Variants in COPS5 observed in about 807,000 individuals in gnomAD.
COPS5 encodes COP9 signalosome subunit 5, also known as COP9 signalosome complex subunit 5.
In COPS5, 8 loss-of-function variants were observed where a neutral mutation model predicts 44.4. That is an observed-to-expected ratio of 0.18 (90% confidence interval 0.11 to 0.32). The LOEUF (loss-of-function observed/expected upper bound fraction) is 0.32, where lower values mean the gene tolerates loss of function less well. Ranked by LOEUF, COPS5 falls within the 10% of genes least tolerant of loss-of-function variation. The probability of loss-of-function intolerance (pLI) is 1.00; values close to 1 mark genes in which losing one functional copy is unlikely to be tolerated. For missense variants in COPS5, 159 were observed against 406.4 expected (o/e 0.39, Z 5.23); for synonymous variants, 122 against 142.8 (o/e 0.85, Z 1.04).
intron 5 of COPS5, among the ~76,000 whole-genome samples, chr8:67,053,817 T>A (rs1804455626): frequency 6.6e-6 from 1 of 151,658 alleles, no homozygotes; most frequent in African/African-American, 2.4e-5. Flanking sequence ...CCATCCTGGC[T>A]AAGACGGTGA....
chr8:67,055,584 TAGGCC>T (rs1804490622), intron 5 of COPS5, among the ~76,000 whole-genome samples: 4 of 152,216 alleles, frequency 2.6e-5, no homozygotes, highest in Admixed American at 2.0e-4. Flanking sequence ...AAAAGGTACG[TAGGCC>T]GGGCACAGTG....
At chr8:67,057,310 G>A (rs1804527584) in intron 4 of COPS5, 70 bp downstream of exon 4, 10 of 1,018,056 alleles carry the variant, frequency 9.8e-6, no homozygotes, top group East Asian at 9.8e-5. Flanking sequence ...GATCATGCCT[G>A]TGAATAGCCA....
intron 5 of COPS5, among the ~76,000 whole-genome samples, chr8:67,056,064 G>C (rs1410043886): frequency 6.6e-6 from 1 of 152,000 alleles, no homozygotes; most frequent in East Asian, 1.9e-4. Flanking sequence ...TCTTTCACTT[G>C]TTATAATTTT....
chr8:67,054,245 T>C (rs977424913), intron 5 of COPS5, among the ~76,000 whole-genome samples: 2 of 152,124 alleles, frequency 1.3e-5, no homozygotes, highest in East Asian at 3.8e-4. Flanking sequence ...ACAGGGAAAG[T>C]AGATCTGTTT....
chr8:67,052,776 C>T (rs865796219), intron 5 of COPS5, among the ~76,000 whole-genome samples: 51 of 146,848 alleles, frequency 3.5e-4, no homozygotes, highest in African/African-American at 1.0e-3. Context: ...GCCGAGATCG[C>T]GCCACTGCAC....
At chr8:67,046,642 G>A (rs1816702630) in intron 6 of COPS5, among the ~76,000 whole-genome samples, 1 of 151,718 alleles carries the variant, frequency 6.6e-6, no homozygotes, top group Non-Finnish European at 1.5e-5. Flanking sequence ...CTAACAAGAT[G>A]AAACCCTATC....
At chr8:67,061,227 G>A (rs1585719615) in intron 1 of COPS5, 1 of 280,854 alleles carries the variant, frequency 3.6e-6, no homozygotes, top group Admixed American at 4.8e-5. Context: ...TGGCTTATGG[G>A]AACTGGTGGA....
intron 6 of COPS5, chr8:67,047,976 A>G (rs1246707201): frequency 7.2e-6 from 5 of 691,794 alleles, no homozygotes; most frequent in Admixed American, 2.0e-5. Context: ...ACTACTAAGG[A>G]TAAGAAATAA....
chr8:67,061,639 C>G (rs767564181), intron 1 of COPS5: 4 of 570,960 alleles, frequency 7.0e-6, no homozygotes, highest in Non-Finnish European at 1.2e-5. Context: ...GTTGTTCTCC[C>G]CTTACATCAC....
chr8:67,061,725 C>T, intron 1 of COPS5, 129 bp downstream of exon 1: 1 of 916,458 alleles, frequency 1.1e-6, no homozygotes, highest in Non-Finnish European at 1.7e-6. Context: ...ACTTGCAGAT[C>T]CAAGACGCAT....
chr8:67,055,205 T>C (rs1804485333), intron 5 of COPS5, among the ~76,000 whole-genome samples: 2 of 152,118 alleles, frequency 1.3e-5, no homozygotes, highest in South Asian at 2.1e-4. Flanking sequence ...AGTTCAGTGA[T>C]AGGACATGAG....
rs1563450900 is a variant in COPS5, at chr8:67,062,031, C to T, written c.-35G>A. On this transcript the variant is annotated 5_prime_UTR_variant, in exon 1 of 8. Coordinates refer to ENST00000357849, the MANE Select transcript of COPS5 (RefSeq NM_006837.3). The stretch of plus-strand genomic sequence containing the variant: ...AGCGGAGAAGTTGTCGTCTCTACAA[C>T]CAAGACGCAACTTTACCTCGCTAGG... The T allele has an allele frequency of 1.2e-6, 2 of 1,613,878 alleles. No individual in the cohort carries two copies. The highest frequency in any genetic ancestry group is 1.7e-6 in the Non-Finnish European group (2 of 1,180,010).
At chr8:67,060,826 TGTAAC>T (rs1721524269) in intron 1 of COPS5, 1 of 229,948 alleles carries the variant, frequency 4.3e-6, no homozygotes, top group Non-Finnish European at 8.9e-6. Context: ...TTTTTTAATT[TGTAAC>T]AAAAGGATGG....
At chr8:67,054,125 A>T (rs1035589527) in intron 5 of COPS5, among the ~76,000 whole-genome samples, 1 of 152,136 alleles carries the variant, frequency 6.6e-6, no homozygotes, top group Non-Finnish European at 1.5e-5. Flanking sequence ...TCAGAGTGGC[A>T]AGGTAAGGTG....
chr8:67,056,625 C>T, intron 4 of COPS5, 21 bp from the exon 5 acceptor site: 1 of 369,988 alleles, frequency 2.7e-6, no homozygotes, highest in Non-Finnish European at 4.3e-6. Context: ...ATGAGGTAAA[C>T]AGAAGATTAA....
At chr8:67,059,567 T>A in intron 1 of COPS5, 122 bp from the exon 2 acceptor site, 3 of 711,072 alleles carry the variant, frequency 4.2e-6, no homozygotes, top group Non-Finnish European at 2.3e-6. Context: ...GAGTGTAGAC[T>A]ACGGGGAGAA....
Position 67,056,622 on chromosome 8 carries a change from A to T in COPS5, c.574-18T>A. ...TTGTAGCCCTAAACAAAAATGAGGT[A>T]AACAGAAGATTAAGAAAAAAAAAAA... On this transcript the variant is annotated intron_variant, in intron 4 of 7. Coordinates refer to ENST00000357849, the MANE Select transcript of COPS5 (RefSeq NM_006837.3). 1.8e-6 allele frequency: 1 copy of T among 548,430 alleles called. No individual in the cohort carries two copies. The highest frequency in any genetic ancestry group is 2.8e-6 in the Non-Finnish European group (1 of 356,248). 34.0% of individuals were successfully genotyped at this position (548,430 alleles called of 1,614,324 possible).
chr8:67,053,245 A>G (rs1804446095), intron 5 of COPS5, among the ~76,000 whole-genome samples: 1 of 151,306 alleles, frequency 6.6e-6, no homozygotes, highest in Non-Finnish European at 1.5e-5. Context: ...GCCCACCACC[A>G]TGCCCAGCTA....
chr8:67,045,510 C>A (rs72654931), intron 7 of COPS5: 141 of 312,564 alleles, frequency 4.5e-4, no homozygotes, highest in Middle Eastern at 1.1e-3. Flanking sequence ...CTTTAAAGAT[C>A]CACTTAAGGG....
Sources: allele counts gnomAD v4.1 joint callset (sites outside exome capture counted in the v4.1 genomes callset), GRCh38; gene constraint gnomAD v4.1.1; transcripts MANE v1.5; gene names NCBI Gene and HGNC (gene_info 2026-07-23, HGNC 2026-07-21).